The following CSK variants were observed in gnomAD, a reference collection of about 807,000 sequenced individuals.
The protein encoded by CSK is C-terminal Src kinase, also known as tyrosine-protein kinase CSK.
A neutral mutation model predicts 62.3 loss-of-function variants in CSK; 7 were observed. The observed-to-expected ratio is 0.11, with a 90% CI of 0.06 to 0.21. The LOEUF is 0.21. Ranked by LOEUF, CSK falls within the 10% of genes least tolerant of loss-of-function variation. The probability of loss-of-function intolerance (pLI) is 1.00; values close to 1 mark genes in which losing one functional copy is unlikely to be tolerated. For synonymous variants in CSK, 237 were observed against 246.0 expected (o/e 0.96, Z 0.34); for missense variants, 294 against 613.5 (o/e 0.48, Z 5.50).
chr15:74,788,048 C>T (rs1353091617), intron 1 of CSK, among the ~76,000 whole-genome samples: 3 of 152,174 alleles, frequency 2.0e-5, no homozygotes, highest in Non-Finnish European at 1.5e-5. Context: ...TGGGGCTCTG[C>T]GTGGGCTGGG....
chr15:74,800,322 G>T (rs1300638895), intron 5 of CSK, 90 bp from the exon 6 acceptor site: 20 of 1,163,564 alleles, frequency 1.7e-5, no homozygotes, highest in Non-Finnish European at 2.5e-5. Flanking sequence ...GGCGGGGCTG[G>T]CCTCTGCCGC....
intron 1 of CSK, among the ~76,000 whole-genome samples, chr15:74,788,144 T>C (rs995672219): frequency 3.1e-4 from 47 of 152,138 alleles, no homozygotes; most frequent in African/African-American, 9.9e-4. Flanking sequence ...GAGAGGTCCT[T>C]GTTTGAAGCT....
At chr15:74,788,368 G>A (rs1168004330) in intron 1 of CSK, among the ~76,000 whole-genome samples, 1 of 152,160 alleles carries the variant, frequency 6.6e-6, no homozygotes, top group East Asian at 1.9e-4. Flanking sequence ...AGGAAAGGTG[G>A]GAAGAAAGGT....
At chr15:74,802,213 G>A (rs760551302) in intron 12 of CSK, 118 bp from the exon 13 acceptor site, 11 of 1,402,290 alleles carry the variant, frequency 7.8e-6, no homozygotes, top group Non-Finnish European at 1.1e-5. Context: ...GGAGCTCACA[G>A]GCCACTCTCC....
In CSK at chr15:74,800,863, C is replaced by T. The variant is rs1175995478; in HGVS notation, c.663C>T (p.Val221=). ...LGDYRGNKVA[V]KCIKNDATAQ... is the part of the protein sequence containing the mutation. ...ATTACCGAGGGAACAAAGTCGCCGT[C>T]AAGTGCATTAAGAACGACGCCACTG... The change falls in exon 8 of 13, where the codon GTC becomes GTT. Residue 221 remains valine, a synonymous_variant. Transcript: ENST00000220003. 1.9e-6 allele frequency: 3 copies of T among 1,613,318 alleles called. No individual in the cohort carries two copies. The Admixed American group carries it at 5.0e-5, about 27-fold the overall frequency.
chr15:74,799,101 G>A, intron 4 of CSK, 163 bp downstream of exon 4: 1 of 949,110 alleles, frequency 1.1e-6, no homozygotes, highest in South Asian at 1.7e-5. Flanking sequence ...AGGGCTGGGG[G>A]CAGAGGCAGG....
chr15:74,797,793 T>G, intron 1 of CSK: 1 of 154,896 alleles, frequency 6.5e-6, no homozygotes, highest in Non-Finnish European at 1.4e-5. Flanking sequence ...TGGTATATGT[T>G]TAGAGATGCT....
chr15:74,799,133 G>A (rs1051724376), intron 4 of CSK, 139 bp from the exon 5 acceptor site: 6 of 1,025,864 alleles, frequency 5.8e-6, no homozygotes, highest in Non-Finnish European at 8.4e-6. Context: ...GAAGGGACAG[G>A]GAGCAGAAGA....
chr15:74,788,327 TC>T (rs2141784966), intron 1 of CSK, among the ~76,000 whole-genome samples: 1 of 152,194 alleles, frequency 6.6e-6, no homozygotes, highest in East Asian at 1.9e-4. Flanking sequence ...CCCCCACCTG[TC>T]CATTTTCAGG....
Position 74,801,113 on chromosome 15 carries a change from G to A in CSK, c.813+11G>A, listed in dbSNP as rs577460849. 1.2e-6 allele frequency: 2 copies of A among 1,613,002 alleles called. No individual in the cohort carries two copies. The highest frequency in any genetic ancestry group is 2.7e-5 in the African/African-American group (2 of 75,040). On this transcript the variant is annotated intron_variant, in intron 9 of 12. Transcript: ENST00000220003. ...GAGTACATGGCCAAGGTGGGCACCT[G>A]CCGAGACCCGGCACTCAGGCCTTCC... is the stretch of plus-strand genomic sequence containing the variant.
chr15:74,784,813 T>C (rs1261963725), intron 1 of CSK, among the ~76,000 whole-genome samples: 1 of 152,240 alleles, frequency 6.6e-6, no homozygotes, highest in African/African-American at 2.4e-5. Flanking sequence ...CTCCATCTTT[T>C]GAAGGATTTT....
chr15:74,796,858 G>C (rs1296227678), intron 1 of CSK, among the ~76,000 whole-genome samples: 7 of 152,268 alleles, frequency 4.6e-5, no homozygotes, highest in South Asian at 2.1e-4. Flanking sequence ...AGTTTGGCCA[G>C]ATTTTGAACT....
rs2063811796 is a variant in CSK at position 74,802,666 on chromosome 15, G to A, written c.*153G>A. 2.4e-5 allele frequency: 23 copies of A among 947,916 alleles called. No homozygotes were observed. Among genetic ancestry groups the A allele is most frequent in the South Asian group, 3.6e-5 (2 of 56,170 alleles). The allele number at this position is 947,916 out of a possible 1,614,324, so 58.7% of individuals were successfully genotyped here. A position where few individuals can be genotyped will look rare whatever the true frequency, so the allele number is the denominator to read the frequency against. ...TCCCAGCCTGCACCCCTCCGGCCCC[G>A]TCTCTCTTGGACCCACCTGTGGGGC... On this transcript the variant is annotated 3_prime_UTR_variant, in exon 13 of 13. Coordinates refer to ENST00000220003, the MANE Select transcript of CSK (RefSeq NM_004383.3).
At chr15:74,789,376 C>T (rs1023653018) in intron 1 of CSK, among the ~76,000 whole-genome samples, 1 of 152,200 alleles carries the variant, frequency 6.6e-6, no homozygotes, top group Non-Finnish European at 1.5e-5. Context: ...ACCACCAGCG[C>T]AGGCTGCGGG....
intron 1 of CSK, among the ~76,000 whole-genome samples, chr15:74,786,013 T>TCTTTTTTTTTTTTTTGTGTGTG (rs1555464576): frequency 2.1e-5 from 1 of 47,816 alleles, no homozygotes; most frequent in Non-Finnish European, 5.5e-5. Context: ...TTTTTTTTTT[T>TCTTTTTTTTTTTTTTGTGTGTG]TGTGTGTGTG....
intron 1 of CSK, among the ~76,000 whole-genome samples, chr15:74,792,383 G>C (rs1004435877): frequency 1.3e-5 from 2 of 152,148 alleles, no homozygotes; most frequent in Non-Finnish European, 2.9e-5. Flanking sequence ...GGCAACAGCA[G>C]ATGGGAAACA....
chr15:74,798,226 C>A lies in CSK; in HGVS notation c.-65-7C>A. 6.7e-7 allele frequency: 1 copy of A among 1,503,064 alleles called. No homozygotes were observed. The highest frequency in any genetic ancestry group is 1.3e-5 in the South Asian group (1 of 74,312). The allele number at this position is 1,503,064 out of a possible 1,614,324, so 93.1% of individuals were successfully genotyped here. A position where few individuals can be genotyped will look rare whatever the true frequency, so the allele number is the denominator to read the frequency against. ...CCCCTCCTCAGTCTTCATGCTCTTC[C>A]CCACAGCTCTAATGGTACCAAGTGA... is the stretch of plus-strand genomic sequence containing the variant. On this transcript the variant is annotated splice_polypyrimidine_tract_variant and splice_region_variant and intron_variant, in intron 1 of 12. Transcript: ENST00000220003. This position sits in a 1 kb window ranked among gnomAD's most constrained non-coding sequence, Gnocchi z 6.6.
chr15:74,798,347 A>G lies in CSK; in HGVS notation c.15+35A>G, dbSNP rs1183667255. ...GGGTGAGGGTCTGGGACATGCAAGC[A>G]TTCCCACCAGCCCCAGCGGGGTGCT... On this transcript the variant is annotated intron_variant, in intron 2 of 12. Transcript: ENST00000220003. This position sits in a 1 kb window ranked among gnomAD's most constrained non-coding sequence, Gnocchi z 6.6. 55 of 1,593,292 alleles carry G rather than the reference A, an allele frequency of 3.5e-5. No individual in the cohort carries two copies. Among genetic ancestry groups the G allele is most frequent in the Middle Eastern group, 3.3e-4 (2 of 6,000 alleles).
At chr15:74,786,168 T>C (rs538478436) in intron 1 of CSK, among the ~76,000 whole-genome samples, 1 of 151,890 alleles carries the variant, frequency 6.6e-6, no homozygotes, top group African/African-American at 2.4e-5. Flanking sequence ...ATTAGAGGCA[T>C]GTGCCATCAC....
Sources: allele counts gnomAD v4.1 joint callset (sites outside exome capture counted in the v4.1 genomes callset), GRCh38; gene constraint gnomAD v4.1.1; non-coding constraint Gnocchi (gnomAD v3.1); transcripts MANE v1.5; gene names NCBI Gene and HGNC (gene_info 2026-07-23, HGNC 2026-07-21).